Variants in STARD9 observed in about 807,000 individuals in gnomAD.
The protein encoded by STARD9 is stAR-related lipid transfer protein 9.
Under a neutral mutation model 399.8 loss-of-function variants are expected in STARD9, and 346 were observed. The ratio of observed to expected loss-of-function variants is 0.87; its 90% CI spans 0.79 to 0.95. STARD9 has a LOEUF of 0.95. Among genes scored for constraint, STARD9 ranks in the 40% least tolerant of loss-of-function variants. STARD9 has a pLI of 0.00. For synonymous variants in STARD9, 2,203 were observed against 2,143.5 expected (o/e 1.03, Z -0.77); for missense variants, 5,832 against 5,667.5 (o/e 1.03, Z -0.93).
intron 3 of STARD9, among the ~76,000 whole-genome samples, chr15:42,616,671 C>T (rs1208819449): frequency 6.6e-6 from 1 of 151,976 alleles, no homozygotes; most frequent in African/African-American, 2.4e-5. Flanking sequence ...GTGGGCGGAT[C>T]ACCAGGTCAG....
At position 42,694,982 on chromosome 15, in the gene STARD9, CA is replaced by C. The variant is rs774605196; in HGVS notation, c.12963-156del. On this transcript the variant is annotated intron_variant, in intron 24 of 32. Coordinates refer to ENST00000290607, the MANE Select transcript of STARD9 (RefSeq NM_020759.3). ...AGGTGGCTTGGTTCTCTCTGTCCAG[CA>C]ACCTCTCCTGAGGCTAAAAAATCAT... Among the ~76,000 whole-genome samples the C allele has an allele frequency of 3.6e-3, 549 of 152,260 alleles. 9 individuals are homozygous for C. Among genetic ancestry groups the C allele is most frequent in the Non-Finnish European group, 1.5e-3 (100 of 68,024 alleles).
chr15:42,606,138 T>C (rs190066332), intron 3 of STARD9, among the ~76,000 whole-genome samples: 1 of 152,336 alleles, frequency 6.6e-6, no homozygotes, highest in East Asian at 1.9e-4. Context: ...AGGTACTGTA[T>C]TGAGTACTTA....
chr15:42,681,615 A>T lies in STARD9; in HGVS notation c.2065+3A>T. 2 of 1,535,118 alleles carry T rather than the reference A, an allele frequency of 1.3e-6. No homozygotes were observed. Among genetic ancestry groups the T allele is most frequent in the Non-Finnish European group, 1.7e-6 (2 of 1,145,578 alleles). Reference sequence around the variant, plus strand: ...GATTAGCCAGCAGATTAAAGAAAGTAGGTGTCCACCACTTAATGTGTCTGC... The same window carrying T: ...GATTAGCCAGCAGATTAAAGAAAGTTGGTGTCCACCACTTAATGTGTCTGC... On this transcript the variant is annotated splice_donor_region_variant and intron_variant, in intron 21 of 32. Transcript: ENST00000290607.
intron 26 of STARD9, among the ~76,000 whole-genome samples, chr15:42,699,392 C>CTTTTTTTTTTT (rs34614271): frequency 1.2e-4 from 14 of 113,292 alleles, no homozygotes; most frequent in East Asian, 1.0e-3. Context: ...TTTTTCTTTT[C>CTTTTTTTTTTT]TTTTTTTTTT....
chr15:42,631,167 A>C (rs1269815416), intron 3 of STARD9, among the ~76,000 whole-genome samples: 23 of 152,010 alleles, frequency 1.5e-4, no homozygotes, highest in Non-Finnish European at 1.3e-4. Context: ...TTTAAGATGC[A>C]TTATTAGGTT....
At chr15:42,646,114 T>C (rs1244315404) in intron 7 of STARD9, among the ~76,000 whole-genome samples, 2 of 152,112 alleles carry the variant, frequency 1.3e-5, no homozygotes, top group Admixed American at 1.3e-4. Flanking sequence ...TGAGCCGAGA[T>C]TGTGCCACTG....
chr15:42,637,608 C>T (rs1160871797), intron 4 of STARD9, among the ~76,000 whole-genome samples: 1 of 152,102 alleles, frequency 6.6e-6, no homozygotes, highest in African/African-American at 2.4e-5. Flanking sequence ...TGTTTTTATC[C>T]AAGAATAATG....
rs1242695357 is a variant in STARD9, at chr15:42,690,573, G to A, written c.8995G>A (p.Val2999Ile). ...AAPHTIHPPC[V>I]VPSRAYEMDE... is the part of the protein sequence containing the mutation. ...CCCACATACTATCCACCCACCCTGTGTAGTACCTTCCAGGGCCTATGAAAT... is the reference window on the plus strand; with the variant it reads ...CCCACATACTATCCACCCACCCTGTATAGTACCTTCCAGGGCCTATGAAAT... Residue 2999 changes from valine (V) to isoleucine (I), a missense_variant, in exon 23 of 33, where the codon GTA becomes ATA. By Grantham distance (29) the Val-to-Ile change is conservative. Coordinates refer to ENST00000290607, the MANE Select transcript of STARD9 (RefSeq NM_020759.3). 10 of 1,537,052 alleles carry A rather than the reference G, an allele frequency of 6.5e-6. No homozygotes were observed. The East Asian group carries it at 7.3e-5, about 11-fold the overall frequency.
Position 42,691,612 on chromosome 15 carries a change from C to T in STARD9, c.10034C>T (p.Pro3345Leu), listed in dbSNP as rs754532530. The T allele has an allele frequency of 1.6e-5, 25 of 1,537,128 alleles. No individual in the cohort carries two copies. Among genetic ancestry groups the T allele is most frequent in the Middle Eastern group, 3.3e-4 (2 of 6,012 alleles). The change falls in exon 23 of 33, where the codon CCT (proline) becomes CTT (leucine). Residue 3345 changes from proline (P) to leucine (L), a missense_variant. Physicochemically the swap from Pro to Leu is moderately conservative, Grantham distance 98 (BLOSUM62 -3). Coordinates refer to ENST00000290607, the MANE Select transcript of STARD9 (RefSeq NM_020759.3). ...LQELNLSVEP[P>L]SPTDEDTQGP... ...GAGCTGAACTTGAGTGTGGAGCCTC[C>T]TTCCCCTACAGACGAAGATACACAG...
chr15:42,691,872 C>G lies in STARD9; in HGVS notation c.10294C>G (p.Gln3432Glu). 6.5e-7 allele frequency: 1 copy of G among 1,537,286 alleles called. No individual in the cohort carries two copies. The highest frequency in any genetic ancestry group is 8.7e-7 in the Non-Finnish European group (1 of 1,146,924). Reference protein sequence around the residue: ...TTSWMSGTLEQAQQGKREKLG... With the variant: ...TTSWMSGTLEEAQQGKREKLG... ...CAGCTGGATGTCTGGTACTTTGGAACAAGCCCAACAGGGAAAGCGAGAGAA... is the reference window on the plus strand; with the variant it reads ...CAGCTGGATGTCTGGTACTTTGGAAGAAGCCCAACAGGGAAAGCGAGAGAA... Residue 3432 changes from glutamine to glutamate, a missense_variant, in exon 23 of 33, where the codon CAA (glutamine) becomes GAA (glutamate). This residue lies in a region of STARD9 where 5,828 missense variants were observed against 5,651.1 expected (regional missense o/e 1.03). Coordinates refer to ENST00000290607, the MANE Select transcript of STARD9 (RefSeq NM_020759.3).
At chr15:42,603,875 C>G (rs1180123192) in intron 3 of STARD9, among the ~76,000 whole-genome samples, 41 of 151,930 alleles carry the variant, frequency 2.7e-4, no homozygotes, top group Non-Finnish European at 7.4e-5. Context: ...TTCAAAGAAC[C>G]AAAGGAAAAA....
intron 20 of STARD9, among the ~76,000 whole-genome samples, chr15:42,680,276 C>T (rs2060399488): frequency 6.6e-6 from 1 of 152,098 alleles, no homozygotes; most frequent in Non-Finnish European, 1.5e-5. Flanking sequence ...ATATAGGAAC[C>T]TGGTGGCAGA....
rs556091248 is a variant in STARD9 at position 42,611,243 on chromosome 15, T to C, written c.235-23613T>C. 4.6e-5 allele frequency among the ~76,000 whole-genome samples: 7 copies of C among 152,348 alleles called. No homozygotes were observed. The South Asian group carries it at 1.0e-3, about 23-fold the overall frequency. On this transcript the variant is annotated intron_variant, in intron 3 of 32. Transcript: ENST00000290607. The stretch of plus-strand genomic sequence containing the variant: ...TATGTAATATTTGTGGATGATTTTG[T>C]ATACTACAAAGATGGAGTTGAGTAG...
intron 26 of STARD9, among the ~76,000 whole-genome samples, chr15:42,699,542 C>G (rs931747816): frequency 3.3e-5 from 5 of 151,062 alleles, no homozygotes; most frequent in East Asian, 1.9e-4. Flanking sequence ...TACAGGTGCC[C>G]GCCACCACGC....
At chr15:42,666,747 C>A (rs566910804) in intron 15 of STARD9, among the ~76,000 whole-genome samples, 1 of 152,088 alleles carries the variant, frequency 6.6e-6, no homozygotes, top group African/African-American at 2.4e-5. Flanking sequence ...GCTGTAACCC[C>A]GTGAGGGCAA....
chr15:42,634,816 A>G, intron 3 of STARD9, 40 bp from the exon 4 acceptor site: 1 of 990,980 alleles, frequency 1.0e-6, no homozygotes, highest in South Asian at 1.6e-5. Flanking sequence ...CTATGAGAAG[A>G]AGGACCACAG....
intron 7 of STARD9, among the ~76,000 whole-genome samples, chr15:42,646,612 G>A (rs1011783424): frequency 6.6e-6 from 1 of 152,362 alleles, no homozygotes; most frequent in Non-Finnish European, 1.5e-5. Context: ...TTAGGAGAAT[G>A]TTGTGATGGT....
chr15:42,665,445 A>C (rs970364181), intron 14 of STARD9, 115 bp downstream of exon 14: 1 of 814,122 alleles, frequency 1.2e-6, no homozygotes, highest in Non-Finnish European at 2.0e-6. Flanking sequence ...TGACTCTCTT[A>C]CGGCAGAGAC....
chr15:42,585,762 A>G, intron 3 of STARD9, 125 bp downstream of exon 3: 2 of 509,056 alleles, frequency 3.9e-6, no homozygotes, highest in East Asian at 6.4e-5. Context: ...AAGTACTCTA[A>G]TTGGTACTTT....
Sources: allele counts gnomAD v4.1 joint callset (sites outside exome capture counted in the v4.1 genomes callset), GRCh38; gene constraint gnomAD v4.1.1; regional missense constraint gnomAD v4.1.1; transcripts MANE v1.5; gene names NCBI Gene and HGNC (gene_info 2026-07-23, HGNC 2026-07-21).